SCLT1: variants seen among roughly 807,000 people sequenced by gnomAD.
The protein encoded by SCLT1 is sodium channel-associated protein 1.
Under a neutral mutation model 112.8 loss-of-function variants are expected in SCLT1, and 78 were observed. The ratio of observed to expected loss-of-function variants is 0.69; its 90% CI spans 0.58 to 0.83. SCLT1 has a LOEUF of 0.83. SCLT1 is among the 40% of genes least tolerant of loss of function. The pLI is 0.00. For synonymous variants in SCLT1, 257 were observed against 254.7 expected (o/e 1.01, Z -0.09); for missense variants, 747 against 770.4 (o/e 0.97, Z 0.36).
chr4:129,030,089 A>G (rs760720222), intron 5 of SCLT1, among the ~76,000 whole-genome samples: 2 of 152,182 alleles, frequency 1.3e-5, no homozygotes, highest in African/African-American at 2.4e-5. Flanking sequence ...AATGAAAAAG[A>G]ATGGAGTTCA....
At chr4:129,052,064 C>A (rs1416782523) in intron 2 of SCLT1, among the ~76,000 whole-genome samples, 1 of 152,154 alleles carries the variant, frequency 6.6e-6, no homozygotes, top group Non-Finnish European at 1.5e-5. Context: ...GCCTTGCATC[C>A]AAGGGATGAA....
At chr4:128,887,051 G>A (rs318504) in intron 20 of SCLT1, among the ~76,000 whole-genome samples, 78,336 of 151,988 alleles carry the variant, frequency 0.52, 23,718 homozygotes, top group African/African-American at 0.85. Flanking sequence ...TTTAATAACC[G>A]TATGAGGGAG....
intron 2 of SCLT1, among the ~76,000 whole-genome samples, chr4:129,049,104 A>G (rs1187408220): frequency 1.3e-5 from 2 of 151,958 alleles, no homozygotes; most frequent in African/African-American, 4.8e-5. Flanking sequence ...TAGAAATACC[A>G]TTTGACCCAG....
chr4:128,877,578 G>A (rs962005489), intron 3 of SCLT1, among the ~76,000 whole-genome samples: 3 of 152,122 alleles, frequency 2.0e-5, no homozygotes, highest in African/African-American at 7.2e-5. Flanking sequence ...CTACTCAGGA[G>A]GCTGAGGCAA....
chr4:128,876,541 A>AATT (rs2125914022), exon 4 of SCLT1: 1 of 152,356 alleles, frequency 6.6e-6, no homozygotes, highest in South Asian at 2.1e-4. Flanking sequence ...CAAACTTCAC[A>AATT]ATTAACTTCA....
chr4:129,019,757 G>C (rs1745295760), intron 5 of SCLT1, among the ~76,000 whole-genome samples: 1 of 151,820 alleles, frequency 6.6e-6, no homozygotes, highest in South Asian at 2.1e-4. Flanking sequence ...AGCCTCCTTG[G>C]TGAAAATAGC....
Position 128,959,610 on chromosome 4 carries a change from T to C in SCLT1, c.1037A>G (p.Gln346Arg). Reference protein sequence around the residue: ...SMQLLEEANLQKSQALLEEKQ... With the variant: ...SMQLLEEANLRKSQALLEEKQ... ...TACTAGCTTTCTTACCTGACTTTTT[T>C]GAAGGTTAGCTTCTTCTAAGAGTTG... is the stretch of plus-strand genomic sequence containing the variant. Residue 346 changes from glutamine (Q) to arginine (R), a missense_variant, in exon 12 of 21, where the codon CAA becomes CGA. Physicochemically the swap from Gln to Arg is conservative, Grantham distance 43. Coordinates refer to ENST00000281142, the MANE Select transcript of SCLT1 (RefSeq NM_144643.4). 1 of 1,612,760 alleles carries C rather than the reference T, an allele frequency of 6.2e-7. No homozygotes were observed. Among genetic ancestry groups the C allele is most frequent in the African/African-American group, 1.3e-5 (1 of 75,016 alleles).
At chr4:128,997,780 T>C (rs1743134453) in intron 8 of SCLT1, 94 bp downstream of exon 8, 3 of 581,322 alleles carry the variant, frequency 5.2e-6, no homozygotes, top group Admixed American at 7.6e-5. Flanking sequence ...TTATCTAATT[T>C]CGTGCAGCAT....
intron 19 of SCLT1, among the ~76,000 whole-genome samples, chr4:128,889,176 G>A (rs903758062): frequency 2.0e-5 from 3 of 152,190 alleles, no homozygotes; most frequent in African/African-American, 7.2e-5. Context: ...ATACTCCAGA[G>A]TCTATTAGGG....
intron 1 of SCLT1, among the ~76,000 whole-genome samples, chr4:129,084,300 A>G (rs1332798054): frequency 2.0e-5 from 3 of 152,222 alleles, no homozygotes; most frequent in African/African-American, 7.2e-5. Context: ...AACCACAGAT[A>G]CATACTTAAA....
chr4:129,025,908 T>C (rs1383138861), intron 5 of SCLT1, among the ~76,000 whole-genome samples: 1 of 151,962 alleles, frequency 6.6e-6, no homozygotes, highest in Non-Finnish European at 1.5e-5. Flanking sequence ...TCCTAGTCTC[T>C]GATAAAACAG....
chr4:128,881,368 T>A (rs964551560), downstream of SCLT1, among the ~76,000 whole-genome samples: 1 of 152,228 alleles, frequency 6.6e-6, no homozygotes, highest in Non-Finnish European at 1.5e-5. Context: ...TTTTTCACTC[T>A]TTCTTGATTT....
At position 128,949,863 on chromosome 4, in the gene SCLT1, T is replaced by C. The variant is rs573751230; in HGVS notation, c.1219-1293A>G. ...TTTTTCCTCTTTTTTTTTTTTCCCC[T>C]AATTGTGAATCATGCTTTGGAGGAA... On this transcript the variant is annotated intron_variant, in intron 14 of 20. Transcript: ENST00000281142. Among the ~76,000 whole-genome samples, 712 of 149,284 alleles carry C rather than the reference T, an allele frequency of 4.8e-3. 6 individuals are homozygous for C. The highest frequency in any genetic ancestry group is 0.017 in the African/African-American group (676 of 40,352).
intron 18 of SCLT1, among the ~76,000 whole-genome samples, chr4:128,903,771 C>T (rs2125938222): frequency 6.6e-6 from 1 of 152,224 alleles, no homozygotes; most frequent in East Asian, 1.9e-4. Flanking sequence ...TTTGTATCTT[C>T]TTATTTCTCT....
At chr4:128,906,044 G>GTT (rs553517823) in intron 18 of SCLT1, among the ~76,000 whole-genome samples, 1 of 150,742 alleles carries the variant, frequency 6.6e-6, no homozygotes, top group Non-Finnish European at 1.5e-5. Context: ...ATCAAAAGGT[G>GTT]TTTTTTTTTA....
chr4:128,949,217 GTT>G (rs77768210), intron 14 of SCLT1, among the ~76,000 whole-genome samples: 11 of 100,720 alleles, frequency 1.1e-4, no homozygotes, highest in African/African-American at 3.2e-4. Flanking sequence ...TGTATGGCTT[GTT>G]TTTTTTTTTT....
intron 5 of SCLT1, among the ~76,000 whole-genome samples, chr4:129,004,291 C>A (rs1743798672): frequency 1.3e-5 from 2 of 152,060 alleles, no homozygotes; most frequent in Admixed American, 6.6e-5. Context: ...TTGCTATTTT[C>A]TTCAGCGTGT....
chr4:128,947,855 A>C (rs377245948), intron 15 of SCLT1, among the ~76,000 whole-genome samples: 2 of 152,312 alleles, frequency 1.3e-5, no homozygotes, highest in South Asian at 4.1e-4. Context: ...TTTTCTGGTT[A>C]TATATACTTG....
intron 18 of SCLT1, among the ~76,000 whole-genome samples, chr4:128,894,062 C>T (rs1294874646): frequency 6.6e-6 from 1 of 152,068 alleles, no homozygotes; most frequent in East Asian, 1.9e-4. Context: ...GCCTCAGCCT[C>T]CTGAGTAGCT....
Sources: allele counts gnomAD v4.1 joint callset (sites outside exome capture counted in the v4.1 genomes callset), GRCh38; gene constraint gnomAD v4.1.1; transcripts MANE v1.5; gene names NCBI Gene and HGNC (gene_info 2026-07-23, HGNC 2026-07-21).